Variants in AHDC1 observed in about 807,000 individuals in gnomAD.
AHDC1 encodes AT-hook DNA binding motif containing 1.
In AHDC1, 7 loss-of-function variants were observed where a neutral mutation model predicts 87.9. The observed-to-expected ratio is 0.08, with a 90% confidence interval of 0.05 to 0.15. AHDC1 has a LOEUF of 0.15. Among genes scored for constraint, AHDC1 ranks in the 10% least tolerant of loss-of-function variants. The pLI, the probability that AHDC1 is intolerant of heterozygous loss-of-function variation, is 1.00. For missense variants in AHDC1, 1,841 were observed against 2,253.2 expected (o/e 0.82, Z 3.70); for synonymous variants, 1,051 against 1,006.8 (o/e 1.04, Z -0.83).
At position 27,548,198 on chromosome 1, in the gene AHDC1, G is replaced by T. The variant is rs1357641230; in HGVS notation, c.3918C>A (p.Phe1306Leu). 1 of 1,613,702 alleles carries T rather than the reference G, an allele frequency of 6.2e-7. No homozygotes were observed. The highest frequency in any genetic ancestry group is 1.7e-5 in the Admixed American group (1 of 60,036). The change falls in exon 8 of 9, where the codon TTC becomes TTA. Residue 1306 changes from phenylalanine to leucine, a missense_variant. Transcript: ENST00000673934. Reference protein sequence around the residue: ...IPKPQPVNPLFQDSPDLGLDY... With the variant: ...IPKPQPVNPLLQDSPDLGLDY... ...CCAGGCCGAGGTCAGGACTGTCCTGGAACAGTGGGTTGACTGGCTGTGGCT... is the reference window on the plus strand; with the variant it reads ...CCAGGCCGAGGTCAGGACTGTCCTGTAACAGTGGGTTGACTGGCTGTGGCT...
chr1:27,575,293 GC>G (rs745450248), intron 3 of AHDC1, among the ~76,000 whole-genome samples: 1 of 152,218 alleles, frequency 6.6e-6, no homozygotes, highest in South Asian at 2.1e-4. Context: ...GAGGTGACGG[GC>G]GGAGAGGGAA....
rs934950969 is a variant in AHDC1 at position 27,563,561 on chromosome 1, T to C, written c.-628-4678A>G. Among the ~76,000 whole-genome samples the C allele has an allele frequency of 6.6e-6, 1 of 152,128 alleles. No individual in the cohort carries two copies. Among genetic ancestry groups the C allele is most frequent in the African/African-American group, 2.4e-5 (1 of 41,426 alleles). ...CCACCTCACCCCTCCCCCATCACTG[T>C]CACCAGCCTGGGTGGTGCCGTCCCT... is the stretch of plus-strand genomic sequence containing the variant. On this transcript the variant is annotated intron_variant, in intron 3 of 8. Coordinates refer to ENST00000673934, the MANE Select transcript of AHDC1 (RefSeq NM_001371928.1). This position sits in a 1 kb window ranked among gnomAD's most constrained non-coding sequence, Gnocchi z 6.1.
In AHDC1 at chr1:27,551,446, C is replaced by T; in HGVS notation, c.670G>A (p.Gly224Ser). 1 of 1,612,272 alleles carries T rather than the reference C, an allele frequency of 6.2e-7. No homozygotes were observed. The highest frequency in any genetic ancestry group is 8.5e-7 in the Non-Finnish European group (1 of 1,179,742). ...HSPGATAAAT[G>S]LPPEPEPDST... ...TCTGGCTCAGGCTCTGGGGGCAGACCCGTGGCCGCAGCCGTGGCTCCGGGA... is the reference window on the plus strand; with the variant it reads ...TCTGGCTCAGGCTCTGGGGGCAGACTCGTGGCCGCAGCCGTGGCTCCGGGA... Residue 224 changes from glycine to serine, a missense_variant, in exon 8 of 9, where the codon GGT becomes AGT. This residue lies in a region of AHDC1 where 370 missense variants were observed against 391.5 expected (regional missense o/e 0.95). Transcript: ENST00000673934.
At position 27,576,979 on chromosome 1, in the gene AHDC1, C is replaced by T. The variant is rs535605991; in HGVS notation, c.-628-18096G>A. 3.3e-5 allele frequency among the ~76,000 whole-genome samples: 5 copies of T among 152,280 alleles called. No homozygotes were observed. The South Asian group carries it at 1.0e-3, about 32-fold the overall frequency. On this transcript the variant is annotated intron_variant, in intron 3 of 8. Transcript: ENST00000673934. Reference sequence around the variant, plus strand: ...CACACCCCCCAACGCCAGCACCCACCGTCATGACATGAACACAGAGACCAG... The same window carrying T: ...CACACCCCCCAACGCCAGCACCCACTGTCATGACATGAACACAGAGACCAG...
intron 3 of AHDC1, among the ~76,000 whole-genome samples, chr1:27,584,136 C>T (rs1396918910): frequency 6.6e-6 from 1 of 152,216 alleles, no homozygotes. Context: ...ACAAGGAAAT[C>T]AAGGCCCAGA....
Position 27,548,116 on chromosome 1 carries a change from C to G in AHDC1, c.4000G>C (p.Gly1334Arg). 6.2e-7 allele frequency: 1 copy of G among 1,613,936 alleles called. No homozygotes were observed. The highest frequency in any genetic ancestry group is 8.5e-7 in the Non-Finnish European group (1 of 1,180,046). The part of the protein sequence containing the change: ...SPLPSQSRAF[G>R]VGERDPCDFI... ...TCACAGGGGTCTCGCTCTCCCACGC[C>G]GAAGGCCCTCGACTGTGAGGGCAGT... Residue 1334 changes from glycine (G) to arginine (R), a missense_variant, in exon 8 of 9, where the codon GGC becomes CGC. Physicochemically the swap from Gly to Arg is moderately radical, Grantham distance 125 (BLOSUM62 -2). Transcript: ENST00000673934.
In AHDC1 at chr1:27,561,280, G is replaced by C. The variant is rs559421242; in HGVS notation, c.-628-2397C>G. Among the ~76,000 whole-genome samples the C allele has an allele frequency of 2.8e-3, 422 of 152,314 alleles. 1 individual carries two copies. The highest frequency in any genetic ancestry group is 4.3e-3 in the Non-Finnish European group (295 of 68,028). On this transcript the variant is annotated intron_variant, in intron 3 of 8. Transcript: ENST00000673934. The surrounding 1 kb of genome is among the most constrained non-coding windows in gnomAD (Gnocchi z 4.2). ...CCACAGCTCGGCTCATCTTGGCCCT[G>C]TTCTCCTACATATGGTGGTGGTGGG...
At chr1:27,543,879 G>A (rs2019044766) in intron 8 of AHDC1, among the ~76,000 whole-genome samples, 1 of 152,024 alleles carries the variant, frequency 6.6e-6, no homozygotes, top group African/African-American at 2.4e-5. Context: ...GGAGGCAGAG[G>A]CTGCAGTGAG....
At chr1:27,564,690 G>A (rs1336466121) in intron 3 of AHDC1, among the ~76,000 whole-genome samples, 2 of 152,154 alleles carry the variant, frequency 1.3e-5, no homozygotes, top group African/African-American at 4.8e-5. Context: ...GTTGTTGGAT[G>A]CAGTGCCTCC....
intron 3 of AHDC1, among the ~76,000 whole-genome samples, chr1:27,564,745 GCCCTACCTTTA>G (rs2020244615): frequency 6.6e-6 from 1 of 152,132 alleles, no homozygotes; most frequent in African/African-American, 2.4e-5. Flanking sequence ...AGTCCACCAT[GCCCTACCTTTA>G]CCCTAAACCC....
At chr1:27,594,912 G>T (rs1359032248) in intron 3 of AHDC1, among the ~76,000 whole-genome samples, 1 of 152,066 alleles carries the variant, frequency 6.6e-6, no homozygotes, top group Non-Finnish European at 1.5e-5. Flanking sequence ...TACAGGTGTG[G>T]TATCGGGGTG....
Position 27,547,996 on chromosome 1 carries a change from C to T in AHDC1, c.4120G>A (p.Glu1374Lys), listed in dbSNP as rs765921462. Reference sequence around the variant, plus strand: ...GGTGGGAAATGCTTGCCATCAAGCTCGGGAGCACCCAGGCTGGGCGAGTCG... The same window carrying T: ...GGTGGGAAATGCTTGCCATCAAGCTTGGGAGCACCCAGGCTGGGCGAGTCG... ...HCDSPSLGAP[E>K]LDGKHFPPLA... Residue 1374 changes from glutamate (E) to lysine (K), a missense_variant, in exon 8 of 9, where the codon GAG becomes AAG. Glu to Lys is a moderately conservative substitution (Grantham distance 56). Around this residue, in one of 13 missense-constraint regions of AHDC1, gnomAD observed 505 missense variants for 626.2 expected, o/e 0.81. Transcript: ENST00000673934. The surrounding 1 kb of genome is among the most constrained non-coding windows in gnomAD (Gnocchi z 4.9). 33 of 1,607,496 alleles carry T rather than the reference C, an allele frequency of 2.1e-5. No individual in the cohort carries two copies. Among genetic ancestry groups the T allele is most frequent in the Non-Finnish European group, 2.6e-5 (30 of 1,175,324 alleles).
rs1446621243 is a variant in AHDC1, at chr1:27,595,460, GTGTGTGTGTGAT to G, written c.-629+7925_-629+7936del. On this transcript the variant is annotated intron_variant, in intron 3 of 8. Coordinates refer to ENST00000673934, the MANE Select transcript of AHDC1 (RefSeq NM_001371928.1). The surrounding 1 kb of genome is among the most constrained non-coding windows in gnomAD (Gnocchi z 4.0). ...CTGAGGGTGTGATAGCTGTGTGTGT[GTGTGTGTGTGAT>G]TGTGTGTGTGTTGGGGTGTTTAGGG... Among the ~76,000 whole-genome samples the G allele has an allele frequency of 1.3e-5, 2 of 151,624 alleles. No homozygotes were observed. The highest frequency in any genetic ancestry group is 2.9e-5 in the Non-Finnish European group (2 of 67,908).
At position 27,577,635 on chromosome 1, in the gene AHDC1, G is replaced by A. The variant is rs902014030; in HGVS notation, c.-628-18752C>T. Among the ~76,000 whole-genome samples the A allele has an allele frequency of 1.3e-4, 20 of 152,220 alleles. No homozygotes were observed. In the South Asian group the frequency reaches 1.5e-3, roughly 11 times the overall value. The stretch of plus-strand genomic sequence containing the variant: ...CAAAGACTGGCAGGCCCCCCACTCC[G>A]CCCCGGAAACCTGGCAGTTTATTTC... On this transcript the variant is annotated intron_variant, in intron 3 of 8. Transcript: ENST00000673934.
chr1:27,574,757 G>C (rs2148411668), intron 3 of AHDC1, among the ~76,000 whole-genome samples: 1 of 152,262 alleles, frequency 6.6e-6, no homozygotes, highest in African/African-American at 2.4e-5. Flanking sequence ...AAAGTTGTGG[G>C]AAAGCGTCCC....
Position 27,548,379 on chromosome 1 carries a change from T to G in AHDC1, c.3737A>C (p.His1246Pro). The change falls in exon 8 of 9, where the codon CAT becomes CCT. Residue 1246 changes from histidine (H) to proline (P), a missense_variant. By Grantham distance (77) the His-to-Pro change is moderately conservative. Around this residue, in one of 13 missense-constraint regions of AHDC1, gnomAD observed 505 missense variants for 626.2 expected, o/e 0.81. Coordinates refer to ENST00000673934, the MANE Select transcript of AHDC1 (RefSeq NM_001371928.1). ...RKKVDLFEASHLGFPTSASAA... is the reference protein window; with the variant it reads ...RKKVDLFEASPLGFPTSASAA... ...AGAGGCGGATGTCGGGAAGCCCAGA[T>G]GTGAGGCCTCGAACAGGTCCACCTT... 6.2e-7 allele frequency: 1 copy of G among 1,607,626 alleles called. No individual in the cohort carries two copies. Among genetic ancestry groups the G allele is most frequent in the East Asian group, 2.2e-5 (1 of 44,704 alleles).
intron 3 of AHDC1, among the ~76,000 whole-genome samples, chr1:27,581,400 G>A (rs1283507138): frequency 6.6e-6 from 1 of 151,754 alleles, no homozygotes. Context: ...TCTCAAAATG[G>A]GTCCTTAGCC....
chr1:27,558,434 TCTC>T lies in AHDC1; in HGVS notation c.-357_-355del, dbSNP rs2019924602. 1 of 242,010 alleles carries T rather than the reference TCTC, an allele frequency of 4.1e-6. No homozygotes were observed. The highest frequency in any genetic ancestry group is 7.9e-6 in the Non-Finnish European group (1 of 126,916). The allele number at this position is 242,010 out of a possible 1,614,324, so 15.0% of individuals were successfully genotyped here. On this transcript the variant is annotated 5_prime_UTR_variant, in exon 5 of 9. Transcript: ENST00000673934. This position sits in a 1 kb window ranked among gnomAD's most constrained non-coding sequence, Gnocchi z 5.6. Reference sequence around the variant, plus strand: ...GTCCTGGTCATTGTCACAACCCCTTTCTCCTCCCAGTTCTCTCAGGTCATCAAG... The same window carrying T: ...GTCCTGGTCATTGTCACAACCCCTTTCTCCCAGTTCTCTCAGGTCATCAAG...
chr1:27,601,739 G>A (rs1361719296), intron 3 of AHDC1, among the ~76,000 whole-genome samples: 1 of 152,180 alleles, frequency 6.6e-6, no homozygotes, highest in Admixed American at 6.5e-5. Context: ...GGACAGACTG[G>A]TAATCTTTCA....
Sources: allele counts gnomAD v4.1 joint callset (sites outside exome capture counted in the v4.1 genomes callset), GRCh38; gene constraint gnomAD v4.1.1; regional missense constraint gnomAD v4.1.1; non-coding constraint Gnocchi (gnomAD v3.1); transcripts MANE v1.5; gene names NCBI Gene and HGNC (gene_info 2026-07-23, HGNC 2026-07-21).